TENM2: variants seen among roughly 807,000 people sequenced by gnomAD.
TENM2 encodes teneurin transmembrane protein 2.
A neutral mutation model predicts 245.2 loss-of-function variants in TENM2; 52 were observed. That is an observed-to-expected ratio of 0.21 (90% CI 0.17 to 0.27). The LOEUF (loss-of-function observed/expected upper bound fraction) is 0.27, where lower values mean the gene tolerates loss of function less well. Among genes scored for constraint, TENM2 ranks in the 10% least tolerant of loss-of-function variants. TENM2 has a pLI of 1.00. For missense variants in TENM2, 3,046 were observed against 3,666.8 expected, an observed-to-expected ratio of 0.83 and a Z score of 4.37; for synonymous variants, 1,363 against 1,438.9, an observed-to-expected ratio of 0.95 and a Z score of 1.19.
intron 4 of TENM2, among the ~76,000 whole-genome samples, chr5:167,968,460 G>T (rs1781539429): frequency 6.6e-6 from 1 of 152,112 alleles, no homozygotes; most frequent in Non-Finnish European, 1.5e-5. Flanking sequence ...TGTGTTAAAT[G>T]GTACTGAAAT....
chr5:167,890,227 G>A (rs957523031), intron 3 of TENM2, among the ~76,000 whole-genome samples: 2 of 152,090 alleles, frequency 1.3e-5, no homozygotes, highest in African/African-American at 4.8e-5. Context: ...CTGAGAACTA[G>A]GCACGACACA....
chr5:167,556,694 T>G (rs1773281933), intron 2 of TENM2, among the ~76,000 whole-genome samples: 1 of 152,130 alleles, frequency 6.6e-6, no homozygotes, highest in Admixed American at 6.5e-5. Flanking sequence ...TAGACCACCC[T>G]TGATAAGTAG....
intron 1 of TENM2, among the ~76,000 whole-genome samples, chr5:167,336,888 C>G (rs375284787): frequency 6.6e-6 from 1 of 150,534 alleles, no homozygotes; most frequent in Non-Finnish European, 1.5e-5. Flanking sequence ...GAGGCCGAGG[C>G]GGGTGGATCA....
At chr5:167,262,757 G>A in the TENM2 span, among the ~76,000 whole-genome samples, 1 of 152,098 alleles carries the variant, frequency 6.6e-6, no homozygotes, top group Non-Finnish European at 1.5e-5. Flanking sequence ...ACCCACTTCT[G>A]TTACAATCTA....
the TENM2 span, among the ~76,000 whole-genome samples, chr5:167,167,156 A>C: frequency 3.9e-5 from 6 of 152,226 alleles, no homozygotes; most frequent in Non-Finnish European, 8.8e-5. Context: ...TTGGGAAGAC[A>C]CAAAGCCATA....
chr5:167,183,458 C>T, the TENM2 span, among the ~76,000 whole-genome samples: 7 of 152,098 alleles, frequency 4.6e-5, no homozygotes, highest in African/African-American at 1.7e-4. Flanking sequence ...TATAGCCAAC[C>T]TCTTCCTTGA....
At chr5:167,778,132 A>G (rs1218203960) in intron 2 of TENM2, among the ~76,000 whole-genome samples, 1 of 152,188 alleles carries the variant, frequency 6.6e-6, no homozygotes. Flanking sequence ...GGATCCATCA[A>G]GGTAGTCTCC....
In TENM2 at chr5:168,072,575, G is replaced by C. The variant is rs1791107684; in HGVS notation, c.1515+10310G>C. 2.0e-5 allele frequency among the ~76,000 whole-genome samples: 3 copies of C among 152,162 alleles called. No individual in the cohort carries two copies. The South Asian group carries it at 6.2e-4, about 32-fold the overall frequency. ...TAAGAAATGATGGCAACATCAAGTA[G>C]GGAGGGTCGTGAGATGCAGTCCAGA... On this transcript the variant is annotated intron_variant, in intron 7 of 28. Coordinates refer to ENST00000518659, the Ensembl canonical transcript of TENM2.
intron 2 of TENM2, among the ~76,000 whole-genome samples, chr5:167,720,240 A>C (rs1361901271): frequency 6.6e-6 from 1 of 152,214 alleles, no homozygotes; most frequent in Non-Finnish European, 1.5e-5. Flanking sequence ...TACCTACTTG[A>C]AAAAGAGTAG....
chr5:167,364,699 G>A (rs979380367), intron 1 of TENM2, among the ~76,000 whole-genome samples: 3 of 151,938 alleles, frequency 2.0e-5, no homozygotes, highest in African/African-American at 7.2e-5. Flanking sequence ...TTAAGATCAC[G>A]AGAATTACAA....
chr5:167,143,032 G>C, the TENM2 span, among the ~76,000 whole-genome samples: 3 of 152,200 alleles, frequency 2.0e-5, no homozygotes, highest in African/African-American at 7.2e-5. Context: ...TCACATGGCA[G>C]AAGTCTGGAC....
At chr5:167,086,676 T>C in the TENM2 span, among the ~76,000 whole-genome samples, 1,371 of 152,126 alleles carry the variant, frequency 9.0e-3, 22 homozygotes, top group African/African-American at 0.031. Flanking sequence ...CAGAAGACAA[T>C]CACAGCCTTG....
the TENM2 span, among the ~76,000 whole-genome samples, chr5:167,156,868 A>T: frequency 2.0e-5 from 3 of 152,300 alleles, no homozygotes; most frequent in African/African-American, 7.2e-5. Context: ...TGAAATATCG[A>T]CATGTTCATT....
chr5:167,711,807 A>G (rs1582816747), intron 2 of TENM2, among the ~76,000 whole-genome samples: 1 of 152,072 alleles, frequency 6.6e-6, no homozygotes, highest in African/African-American at 2.4e-5. Flanking sequence ...AGGTCTCTCT[A>G]CATGTTTCTC....
chr5:167,015,163 C>T, the TENM2 span, among the ~76,000 whole-genome samples: 4 of 152,064 alleles, frequency 2.6e-5, no homozygotes, highest in African/African-American at 9.7e-5. Context: ...ACTAATTTAT[C>T]TTATTGGTTT....
chr5:168,137,035 A>G (rs1279833512), intron 12 of TENM2, among the ~76,000 whole-genome samples: 3 of 152,204 alleles, frequency 2.0e-5, no homozygotes, highest in Admixed American at 2.0e-4. Context: ...AGGCCACTCC[A>G]TTTAATCATG....
At chr5:167,516,458 T>A (rs1770384932) in intron 2 of TENM2, among the ~76,000 whole-genome samples, 1 of 152,212 alleles carries the variant, frequency 6.6e-6, no homozygotes, top group Non-Finnish European at 1.5e-5. Context: ...TCTAATGGAA[T>A]CTCTGCACCT....
rs145491944 is a variant in TENM2, at chr5:167,331,597, G to A, written c.227-43601G>A. Among the ~76,000 whole-genome samples the A allele has an allele frequency of 7.2e-5, 11 of 152,264 alleles. No individual in the cohort carries two copies. In the South Asian group the frequency reaches 1.2e-3, roughly 17 times the overall value. On this transcript the variant is annotated intron_variant, in intron 1 of 28. Transcript: ENST00000518659. ...AAAACTAGACTTTTCTTTGTTGGGCGCGAAGAAGGAAGATGGAGAACCTCT... is the reference window on the plus strand; with the variant it reads ...AAAACTAGACTTTTCTTTGTTGGGCACGAAGAAGGAAGATGGAGAACCTCT...
At chr5:167,866,760 G>A (rs988654346) in intron 2 of TENM2, among the ~76,000 whole-genome samples, 1 of 152,168 alleles carries the variant, frequency 6.6e-6, no homozygotes, top group African/African-American at 2.4e-5. Flanking sequence ...TTGTATGAAG[G>A]GAAGGAACAC....
Sources: gnomAD v4.1 joint callset for allele counts (sites outside exome capture counted in the v4.1 genomes callset) on GRCh38, gnomAD v4.1.1 for gene constraint, MANE v1.5 for transcripts, NCBI Gene and HGNC (gene_info 2026-07-23, HGNC 2026-07-21) for gene names.